The following CDH20 variants were observed in gnomAD, a reference collection of about 807,000 sequenced individuals.
CDH20 encodes the protein cadherin 20, also known as cadherin-20.
In CDH20, 29 loss-of-function variants were observed where a neutral mutation model predicts 74.2. That is an observed-to-expected ratio of 0.39 (90% CI 0.29 to 0.53). The LOEUF (loss-of-function observed/expected upper bound fraction) is 0.53. CDH20 is among the 20% of genes least tolerant of loss of function. CDH20 has a pLI of 0.69. For synonymous variants in CDH20, 469 were observed against 405.4 expected (o/e 1.16, Z -1.88); for missense variants, 988 against 1,048.3 (o/e 0.94, Z 0.79).
rs2144315700 is a variant in CDH20 at position 61,499,410 on chromosome 18, C to T, written c.471C>T (p.Asp157=). ...CAGAGTTCATCATCAAAATTCAAGA[C>T]ATCAATGACAATGAGCCCAAGTTCC... ...PESEFIIKIQ[D]INDNEPKFLD... is the part of the protein sequence containing the mutation. Residue 157 remains aspartate (D), a synonymous_variant, in exon 3 of 12, where the codon GAC becomes GAT. Transcript: ENST00000262717. 6.2e-7 allele frequency: 1 copy of T among 1,614,042 alleles called. No homozygotes were observed.
rs1192051834 is a variant in CDH20, at chr18:61,554,690, T to C, written c.2401T>C (p.Trp801Arg). Residue 801 changes from tryptophan (W) to arginine (R), a missense_variant, in exon 12 of 12, where the codon TGG (tryptophan) becomes CGG (arginine). By Grantham distance (101) the Trp-to-Arg change is moderately radical. Transcript: ENST00000262717. ...YGASEGPAPL[W>R] is the part of the protein sequence containing the mutation. ...GGCGTCGGAGGGACCCGCGCCGCTG[T>C]GGTGACGGAAGCCAGGAGGCAGGCG... 4 of 1,563,238 alleles carry C rather than the reference T, an allele frequency of 2.6e-6. No homozygotes were observed. Among genetic ancestry groups the C allele is most frequent in the Admixed American group, 1.8e-5 (1 of 55,534 alleles).
intron 1 of CDH20, among the ~76,000 whole-genome samples, chr18:61,359,828 T>A (rs1448394404): frequency 6.6e-6 from 1 of 152,184 alleles, no homozygotes; most frequent in Non-Finnish European, 1.5e-5. Context: ...TACAGCTATT[T>A]CTTCTGCAGC....
chr18:61,378,773 G>T (rs1045508944), intron 1 of CDH20, among the ~76,000 whole-genome samples: 3 of 152,136 alleles, frequency 2.0e-5, no homozygotes, highest in East Asian at 1.9e-4. Context: ...AAGGGAAATA[G>T]TTCTGCTTTT....
chr18:61,530,605 T>C (rs1912604362), intron 7 of CDH20, among the ~76,000 whole-genome samples: 1 of 152,196 alleles, frequency 6.6e-6, no homozygotes, highest in Non-Finnish European at 1.5e-5. Flanking sequence ...TCTAGAAAGT[T>C]GATGGTGTGT....
chr18:61,428,848 C>T (rs1913160969), intron 1 of CDH20, among the ~76,000 whole-genome samples: 1 of 152,198 alleles, frequency 6.6e-6, no homozygotes, highest in Non-Finnish European at 1.5e-5. Context: ...CTATAAGGGG[C>T]CCACCCACCA....
At chr18:61,458,875 A>T (rs1909670858) in intron 1 of CDH20, among the ~76,000 whole-genome samples, 1 of 152,248 alleles carries the variant, frequency 6.6e-6, no homozygotes, top group South Asian at 2.1e-4. Flanking sequence ...AATCTCATCC[A>T]TGGGGAGCTG....
In CDH20 at chr18:61,490,436, A is replaced by G; in HGVS notation, c.-118A>G. ...TTCAAGCAGATTGACTTGAAACGGG[A>G]TCTCATTTAGGAAGCATAAGTGTCC... On this transcript the variant is annotated 5_prime_UTR_variant, in exon 2 of 12. Coordinates refer to ENST00000262717, the MANE Select transcript of CDH20 (RefSeq NM_031891.4). The G allele has an allele frequency of 1.0e-6, 1 of 963,152 alleles. No homozygotes were observed. Among genetic ancestry groups the G allele is most frequent in the Non-Finnish European group, 1.6e-6 (1 of 636,782 alleles). The allele number at this position is 963,152 out of a possible 1,614,324, so 59.7% of individuals were successfully genotyped here.
chr18:61,364,528 T>A (rs1910799172), intron 1 of CDH20, among the ~76,000 whole-genome samples: 1 of 152,222 alleles, frequency 6.6e-6, no homozygotes, highest in Non-Finnish European at 1.5e-5. Flanking sequence ...GTCAGGCTGG[T>A]CTCGAACTCC....
chr18:61,542,468 T>C (rs1248929290), intron 9 of CDH20, among the ~76,000 whole-genome samples: 5 of 152,142 alleles, frequency 3.3e-5, no homozygotes, highest in Admixed American at 6.5e-5. Context: ...GCAAAAGAAG[T>C]CCAGCTGCCA....
chr18:61,539,225 A>C, intron 9 of CDH20, 80 bp downstream of exon 9: 1 of 1,464,618 alleles, frequency 6.8e-7, no homozygotes, highest in East Asian at 2.3e-5. Flanking sequence ...ATTCACCATC[A>C]AAGCCATTTT....
intron 2 of CDH20, among the ~76,000 whole-genome samples, chr18:61,498,447 G>T (rs186374591): frequency 9.6e-4 from 144 of 150,148 alleles, no homozygotes; most frequent in African/African-American, 3.2e-3. Flanking sequence ...AAATATAGCT[G>T]CATGGTCAGA....
rs543489657 is a variant in CDH20 at position 61,430,894 on chromosome 18, C to A, written c.-152-59508C>A. ...AGAATCAGCCATTTCTTCAAGGAGC[C>A]CTGGTTCCTTTTCCTGGAGAATGGT... On this transcript the variant is annotated intron_variant, in intron 1 of 11. Transcript: ENST00000262717. Among the ~76,000 whole-genome samples, 7 of 152,188 alleles carry A rather than the reference C, an allele frequency of 4.6e-5. No homozygotes were observed. The East Asian group carries it at 1.4e-3, about 29-fold the overall frequency.
At chr18:61,382,527 T>C (rs1911466603) in intron 1 of CDH20, among the ~76,000 whole-genome samples, 1 of 152,210 alleles carries the variant, frequency 6.6e-6, no homozygotes, top group Non-Finnish European at 1.5e-5. Context: ...TTAAATGTGG[T>C]AACAGGGTTA....
In CDH20 at chr18:61,363,329, C is replaced by T. The variant is rs533223413; in HGVS notation, c.-153+29502C>T. On this transcript the variant is annotated intron_variant, in intron 1 of 11. Transcript: ENST00000262717. ...GCAGATCTCTTTATTGAGCTGTGTA[C>T]TTTTTATGGTACCCAAGAATTTTCC... Among the ~76,000 whole-genome samples the T allele has an allele frequency of 3.6e-3, 540 of 151,924 alleles. 10 individuals carry two copies. Among genetic ancestry groups the T allele is most frequent in the African/African-American group, 0.012 (516 of 41,414 alleles).
intron 1 of CDH20, among the ~76,000 whole-genome samples, chr18:61,402,817 T>C (rs541486310): frequency 1.3e-5 from 2 of 152,298 alleles, no homozygotes; most frequent in East Asian, 3.9e-4. Context: ...ACTTGAACAT[T>C]TTTTTACACC....
intron 10 of CDH20, among the ~76,000 whole-genome samples, chr18:61,549,102 T>A (rs1913345605): frequency 6.6e-6 from 1 of 152,188 alleles, no homozygotes; most frequent in South Asian, 2.1e-4. Context: ...CTGAAAATAA[T>A]CTGAGCTTTG....
chr18:61,386,612 C>A (rs1275201382), intron 1 of CDH20, among the ~76,000 whole-genome samples: 4 of 152,114 alleles, frequency 2.6e-5, no homozygotes, highest in African/African-American at 4.8e-5. Context: ...TGATAATTTA[C>A]ATAGAAATAT....
intron 1 of CDH20, among the ~76,000 whole-genome samples, chr18:61,403,806 G>C (rs1308442993): frequency 6.6e-6 from 1 of 152,072 alleles, no homozygotes; most frequent in Non-Finnish European, 1.5e-5. Context: ...AGATACAAGC[G>C]CACGTATATT....
chr18:61,503,195 C>A, intron 5 of CDH20, 75 bp downstream of exon 5: 1 of 1,149,220 alleles, frequency 8.7e-7, no homozygotes, highest in Non-Finnish European at 1.2e-6. Flanking sequence ...CGGGAGAAAG[C>A]CCAGTTTGAG....
Sources: allele counts gnomAD v4.1 joint callset (sites outside exome capture counted in the v4.1 genomes callset), GRCh38; gene constraint gnomAD v4.1.1; transcripts MANE v1.5; gene names NCBI Gene and HGNC (gene_info 2026-07-23, HGNC 2026-07-21).